ADK: variants seen among roughly 807,000 people sequenced by gnomAD.
ADK encodes adenosine kinase, also known as N6,N6-dimethyladenosine kinase.
In ADK, 24 loss-of-function variants were observed where a neutral mutation model predicts 44.7. The ratio of observed to expected loss-of-function variants is 0.54; its 90% CI spans 0.39 to 0.76. The LOEUF is 0.76. ADK is among the 30% of genes least tolerant of loss of function. The probability of loss-of-function intolerance (pLI) is 0.00; values close to 1 mark genes in which losing one functional copy is unlikely to be tolerated. For missense variants in ADK, 321 were observed against 425.1 expected, an observed-to-expected ratio of 0.76 and a Z score of 2.15; for synonymous variants, 128 against 142.6, an observed-to-expected ratio of 0.90 and a Z score of 0.73.
intron 4 of ADK, among the ~76,000 whole-genome samples, chr10:74,323,761 G>A (rs1478158395): frequency 4.0e-5 from 6 of 151,774 alleles, no homozygotes; most frequent in Admixed American, 2.6e-4. Flanking sequence ...TAGTAGAGAC[G>A]AGGTTTCACC....
intron 3 of ADK, among the ~76,000 whole-genome samples, chr10:74,225,139 G>A (rs557357198): frequency 2.0e-5 from 3 of 152,090 alleles, no homozygotes; most frequent in Non-Finnish European, 2.9e-5. Context: ...GGCTGGAGGC[G>A]CAATCTCGGC....
intron 3 of ADK, among the ~76,000 whole-genome samples, chr10:74,292,393 A>C (rs949712074): frequency 1.3e-5 from 2 of 152,188 alleles, no homozygotes. Flanking sequence ...ATTTCTTTGC[A>C]GTGAAGTAGA....
At chr10:74,513,489 G>A (rs1848430298) in intron 6 of ADK, among the ~76,000 whole-genome samples, 1 of 151,982 alleles carries the variant, frequency 6.6e-6, no homozygotes, top group Non-Finnish European at 1.5e-5. Context: ...TTATATAGTA[G>A]CCCTCTGTCT....
At chr10:74,701,002 T>C (rs901213515) in intron 10 of ADK, among the ~76,000 whole-genome samples, 1 of 152,250 alleles carries the variant, frequency 6.6e-6, no homozygotes, top group African/African-American at 2.4e-5. Context: ...GAACACAGTA[T>C]TTGACTACAC....
intron 3 of ADK, among the ~76,000 whole-genome samples, chr10:74,293,567 G>T (rs1010484208): frequency 6.6e-6 from 1 of 151,852 alleles, no homozygotes; most frequent in African/African-American, 2.4e-5. Flanking sequence ...CTGCCTTGGG[G>T]TACTATATAG....
intron 3 of ADK, among the ~76,000 whole-genome samples, chr10:74,302,115 T>TG: frequency 4.6e-5 from 2 of 43,624 alleles, no homozygotes; most frequent in Admixed American, 4.8e-4. Context: ...GTTTGTTTTT[T>TG]TTTTTTTTTT....
At chr10:74,348,357 G>A (rs1841846580) in intron 4 of ADK, among the ~76,000 whole-genome samples, 1 of 152,106 alleles carries the variant, frequency 6.6e-6, no homozygotes, top group Admixed American at 6.5e-5. Context: ...ACTGTTAGGA[G>A]AAAAACTAGC....
At chr10:74,592,203 T>C (rs1204679800) in intron 8 of ADK, among the ~76,000 whole-genome samples, 1 of 152,126 alleles carries the variant, frequency 6.6e-6, no homozygotes, top group Non-Finnish European at 1.5e-5. Context: ...CTGATTTAAA[T>C]GACAGACCTG....
At chr10:74,523,901 G>T (rs1235238326) in intron 6 of ADK, among the ~76,000 whole-genome samples, 1 of 152,062 alleles carries the variant, frequency 6.6e-6, no homozygotes, top group Non-Finnish European at 1.5e-5. Context: ...GGTTAACTTT[G>T]CTTTAAATTT....
intron 7 of ADK, among the ~76,000 whole-genome samples, chr10:74,570,398 A>G (rs968432297): frequency 6.6e-6 from 1 of 152,078 alleles, no homozygotes; most frequent in Non-Finnish European, 1.5e-5. Context: ...GATTCTTCCT[A>G]CCCATGAGCA....
intron 2 of ADK, among the ~76,000 whole-genome samples, chr10:74,210,330 GAAAA>G (rs57852507): frequency 2.4e-5 from 2 of 84,918 alleles, no homozygotes; most frequent in African/African-American, 4.5e-5. Flanking sequence ...TCCATCTCAG[GAAAA>G]AAAAAAAAAA....
chr10:74,383,758 G>C (rs1843052200), intron 4 of ADK, among the ~76,000 whole-genome samples: 1 of 89,986 alleles, frequency 1.1e-5, no homozygotes, highest in Non-Finnish European at 3.1e-5. Flanking sequence ...GGGGACCTTA[G>C]CAAGACCTGT....
intron 4 of ADK, among the ~76,000 whole-genome samples, chr10:74,332,059 T>C (rs556371406): frequency 2.0e-5 from 3 of 152,178 alleles, no homozygotes; most frequent in Admixed American, 2.0e-4. Flanking sequence ...AATTTCACCC[T>C]GTTGACCAGG....
intron 4 of ADK, among the ~76,000 whole-genome samples, chr10:74,389,620 ACT>A (rs1843269765): frequency 6.6e-6 from 1 of 151,928 alleles, no homozygotes. Flanking sequence ...GGCTTGTTAA[ACT>A]CTGGTTTTAG....
intron 3 of ADK, among the ~76,000 whole-genome samples, chr10:74,264,314 CAG>C (rs1846143193): frequency 1.3e-5 from 2 of 152,282 alleles, no homozygotes; most frequent in South Asian, 4.1e-4. Context: ...TTGGTATAAA[CAG>C]AAATTCTAAT....
intron 6 of ADK, among the ~76,000 whole-genome samples, chr10:74,456,666 CAAAAAA>C (rs71024510): frequency 4.8e-5 from 3 of 63,088 alleles, no homozygotes; most frequent in East Asian, 4.9e-4. Flanking sequence ...GACTCCATCT[CAAAAAA>C]AAAAAAAAAA....
chr10:74,702,570 T>TCCTTCCTTCCTTCCTC lies in ADK; in HGVS notation c.965-5748_965-5747insTCCTTCCTTCCTCCCT, dbSNP rs760455986. ...TTCCTTCCTTCCTTCCTTCCTTCCT[T>TCCTTCCTTCCTTCCTC]CCTCTCTCTCTCTCTGGTCTCTTTC... On this transcript the variant is annotated intron_variant, in intron 10 of 10. Transcript: ENST00000539909. Among the ~76,000 whole-genome samples the TCCTTCCTTCCTTCCTC allele has an allele frequency of 1.8e-4, 27 of 146,256 alleles. 1 individual carries two copies. Among genetic ancestry groups the TCCTTCCTTCCTTCCTC allele is most frequent in the Admixed American group, 2.7e-4 (4 of 14,616 alleles).
At chr10:74,402,534 T>C (rs1047183844) in intron 6 of ADK, among the ~76,000 whole-genome samples, 1 of 152,196 alleles carries the variant, frequency 6.6e-6, no homozygotes, top group Non-Finnish European at 1.5e-5. Flanking sequence ...CTTGATCGAA[T>C]CAGCTACTGA....
intron 4 of ADK, among the ~76,000 whole-genome samples, chr10:74,377,930 T>G (rs1048606762): frequency 6.6e-6 from 1 of 152,144 alleles, no homozygotes; most frequent in African/African-American, 2.4e-5. Context: ...CTCACAAATA[T>G]CTAATAAAAT....
Sources: allele counts gnomAD v4.1 joint callset (sites outside exome capture counted in the v4.1 genomes callset), GRCh38; gene constraint gnomAD v4.1.1; transcripts MANE v1.5; gene names NCBI Gene and HGNC (gene_info 2026-07-23, HGNC 2026-07-21).